PTPRD: variants seen among roughly 807,000 people sequenced by gnomAD.
PTPRD encodes protein tyrosine phosphatase receptor type D, also known as receptor-type tyrosine-protein phosphatase delta.
In PTPRD, 34 loss-of-function variants were observed where a neutral mutation model predicts 214.5. The ratio of observed to expected loss-of-function variants is 0.16; its 90% CI spans 0.12 to 0.21. The LOEUF (loss-of-function observed/expected upper bound fraction) is 0.21, where lower values mean the gene tolerates loss of function less well. Ranked by LOEUF, PTPRD falls within the 10% of genes least tolerant of loss-of-function variation. The probability of loss-of-function intolerance (pLI) is 1.00; values close to 1 mark genes in which losing one functional copy is unlikely to be tolerated. For missense variants in PTPRD, 2,545 were observed against 2,398.7 expected, an observed-to-expected ratio of 1.06 and a Z score of -1.27; for synonymous variants, 1,128 against 845.7, an observed-to-expected ratio of 1.33 and a Z score of -5.79.
intron 2 of PTPRD, among the ~76,000 whole-genome samples, chr9:10,400,601 G>A (rs528386384): frequency 1.1e-3 from 168 of 151,156 alleles, no homozygotes; most frequent in African/African-American, 3.9e-3. Context: ...AACATCAAAT[G>A]GAATATTGTT....
At chr9:8,994,008 G>T (rs1230849018) in intron 11 of PTPRD, among the ~76,000 whole-genome samples, 1 of 152,058 alleles carries the variant, frequency 6.6e-6, no homozygotes, top group Non-Finnish European at 1.5e-5. Flanking sequence ...GCACTGAATT[G>T]GTACATGTGG....
intron 11 of PTPRD, among the ~76,000 whole-genome samples, chr9:8,934,494 A>AAAAT (rs2098981346): frequency 1.3e-4 from 1 of 7,434 alleles, no homozygotes; most frequent in African/African-American, 4.0e-4. Flanking sequence ...TATATATATA[A>AAAAT]ATATATATAT....
intron 7 of PTPRD, among the ~76,000 whole-genome samples, chr9:9,594,131 T>C (rs1244897851): frequency 5.3e-5 from 8 of 152,070 alleles, no homozygotes; most frequent in African/African-American, 1.9e-4. Flanking sequence ...GAAGATCACT[T>C]ACTAATCTAG....
chr9:9,461,966 T>C (rs143350481), intron 8 of PTPRD, among the ~76,000 whole-genome samples: 2 of 152,306 alleles, frequency 1.3e-5, no homozygotes, highest in East Asian at 3.9e-4. Flanking sequence ...CCTTGTATTA[T>C]AGTATTAAAC....
intron 30 of PTPRD, among the ~76,000 whole-genome samples, chr9:8,474,080 G>C (rs1290569422): frequency 6.6e-6 from 1 of 152,096 alleles, no homozygotes; most frequent in African/African-American, 2.4e-5. Context: ...GGCAGCTGTG[G>C]ATCTATCCCT....
rs575612847 is a variant in PTPRD at position 9,355,380 on chromosome 9, C to T, written c.-203+42069G>A. Among the ~76,000 whole-genome samples, 149 of 42,178 alleles carry T rather than the reference C, an allele frequency of 3.5e-3. 1 individual carries two copies. Among genetic ancestry groups the T allele is most frequent in the African/African-American group, 0.023 (138 of 6,044 alleles). 27.7% of individuals were successfully genotyped at this position (42,178 alleles called of 152,430 possible). On this transcript the variant is annotated intron_variant, in intron 9 of 45. Coordinates refer to ENST00000381196, the MANE Select transcript of PTPRD (RefSeq NM_002839.4). Reference sequence around the variant, plus strand: ...CTATGGTTTGGACCAGTTTTAGGAGCGGAGGTGAAAGAATGGGCTTAATTA... The same window carrying T: ...CTATGGTTTGGACCAGTTTTAGGAGTGGAGGTGAAAGAATGGGCTTAATTA...
At chr9:9,325,057 G>C (rs1261987649) in intron 9 of PTPRD, among the ~76,000 whole-genome samples, 1 of 152,138 alleles carries the variant, frequency 6.6e-6, no homozygotes, top group African/African-American at 2.4e-5. Context: ...CTATATCTCT[G>C]TTTTGGTACA....
At chr9:9,404,585 G>A (rs1017400821) in intron 8 of PTPRD, among the ~76,000 whole-genome samples, 1 of 152,082 alleles carries the variant, frequency 6.6e-6, no homozygotes, top group African/African-American at 2.4e-5. Context: ...TATCAGCTGT[G>A]TTGATTAGCG....
At chr9:9,612,282 G>C (rs1593010454) in intron 7 of PTPRD, among the ~76,000 whole-genome samples, 1 of 152,114 alleles carries the variant, frequency 6.6e-6, no homozygotes, top group South Asian at 2.1e-4. Flanking sequence ...TGAGTTCTCA[G>C]ATGCGAATAG....
At chr9:8,643,562 G>T (rs2096622940) in intron 12 of PTPRD, among the ~76,000 whole-genome samples, 1 of 152,182 alleles carries the variant, frequency 6.6e-6, no homozygotes, top group African/African-American at 2.4e-5. Flanking sequence ...GCAGGGCATA[G>T]GGGAAGCGGG....
intron 12 of PTPRD, among the ~76,000 whole-genome samples, chr9:8,720,159 A>T (rs2154417416): frequency 6.6e-6 from 1 of 152,164 alleles, no homozygotes; most frequent in African/African-American, 2.4e-5. Flanking sequence ...AAGAGGCTGG[A>T]CTCTGGCTGG....
At chr9:10,062,584 C>T (rs964780428) in intron 3 of PTPRD, among the ~76,000 whole-genome samples, 6 of 151,814 alleles carry the variant, frequency 4.0e-5, no homozygotes, top group Non-Finnish European at 8.8e-5. Flanking sequence ...CCAGCCTGGG[C>T]GAAAAGAGTG....
chr9:9,915,677 T>C (rs2153836358), intron 5 of PTPRD, among the ~76,000 whole-genome samples: 1 of 150,048 alleles, frequency 6.7e-6, no homozygotes, highest in South Asian at 2.1e-4. Flanking sequence ...TCTTTTTAAA[T>C]GAACCAGGAA....
chr9:8,929,173 A>G lies in PTPRD; in HGVS notation c.-104+89524T>C, dbSNP rs561611845. On this transcript the variant is annotated intron_variant, in intron 11 of 45. Transcript: ENST00000381196. Reference sequence around the variant, plus strand: ...ACTTCCTCCTTTCCTAACTGAACACACTTGATTTCTTTCCCTTGCCTGATT... The same window carrying G: ...ACTTCCTCCTTTCCTAACTGAACACGCTTGATTTCTTTCCCTTGCCTGATT... Among the ~76,000 whole-genome samples the G allele has an allele frequency of 2.0e-5, 3 of 152,134 alleles. No individual in the cohort carries two copies. The East Asian group carries it at 5.8e-4, about 29-fold the overall frequency.
chr9:9,010,368 T>C (rs1403889518), intron 11 of PTPRD, among the ~76,000 whole-genome samples: 2 of 152,180 alleles, frequency 1.3e-5, no homozygotes, highest in Non-Finnish European at 2.9e-5. Context: ...TGCTATAGGA[T>C]ATTCCATTCT....
chr9:10,339,567 T>C (rs1188992176), intron 3 of PTPRD, among the ~76,000 whole-genome samples: 1 of 151,690 alleles, frequency 6.6e-6, no homozygotes, highest in Non-Finnish European at 1.5e-5. Flanking sequence ...ATTTTCAAGA[T>C]GGATCGGCAA....
intron 6 of PTPRD, among the ~76,000 whole-genome samples, chr9:9,745,087 T>C (rs547684442): frequency 6.6e-6 from 1 of 152,028 alleles, no homozygotes; most frequent in Non-Finnish European, 1.5e-5. Flanking sequence ...ACTTTAAACA[T>C]GAAAAGTAAC....
Position 10,369,381 on chromosome 9 carries a change from G to A in PTPRD, c.-599-28364C>T, listed in dbSNP as rs78480352. On this transcript the variant is annotated intron_variant, in intron 2 of 45. Transcript: ENST00000381196. ...TCATAGCCAGGCATCTAGTGTTCTT[G>A]TCCTGGTGGTGTGGTGGTAATGGCG... 2.0e-4 allele frequency among the ~76,000 whole-genome samples: 30 copies of A among 152,100 alleles called. No individual in the cohort carries two copies. The East Asian group carries it at 5.0e-3, about 26-fold the overall frequency.
intron 5 of PTPRD, among the ~76,000 whole-genome samples, chr9:9,797,072 A>G (rs774748367): frequency 6.6e-6 from 1 of 152,250 alleles, no homozygotes; most frequent in Non-Finnish European, 1.5e-5. Flanking sequence ...CAGTGGTCAC[A>G]CACTGTACTT....
Sources: allele counts gnomAD v4.1 joint callset (sites outside exome capture counted in the v4.1 genomes callset), GRCh38; gene constraint gnomAD v4.1.1; transcripts MANE v1.5; gene names NCBI Gene and HGNC (gene_info 2026-07-23, HGNC 2026-07-21).